ATP7A: variants seen among roughly 807,000 people sequenced by gnomAD.
The protein encoded by ATP7A is copper-transporting ATPase 1.
A neutral mutation model predicts 83.5 loss-of-function variants in ATP7A; 7 were observed. The ratio of observed to expected loss-of-function variants is 0.08; its 90% CI spans 0.05 to 0.16. ATP7A has a LOEUF of 0.16. ATP7A is among the 10% of genes least tolerant of loss of function. The probability of loss-of-function intolerance (pLI) is 1.00; values close to 1 mark genes in which losing one functional copy is unlikely to be tolerated. For missense variants in ATP7A, 940 were observed against 1,120.8 expected, an observed-to-expected ratio of 0.84 and a Z score of 2.30; for synonymous variants, 354 against 395.2, an observed-to-expected ratio of 0.90 and a Z score of 1.24.
chrX:78,038,696 T>C (rs1307705665), intron 17 of ATP7A, 140 bp from the exon 18 acceptor site: 2 of 684,555 alleles, frequency 2.9e-6, no homozygotes, highest in East Asian at 3.3e-5. Context: ...TTAGAAAATT[T>C]GAACATCACT....
chrX:78,016,128 C>T (rs2077861676), intron 12 of ATP7A, among the ~76,000 whole-genome samples: 2 of 111,525 alleles, frequency 1.8e-5, no homozygotes, highest in Non-Finnish European at 3.8e-5. Context: ...TTAATTGACT[C>T]ACAGTTCTGC....
chrX:77,979,529 A>G (rs1557230684), intron 2 of ATP7A, among the ~76,000 whole-genome samples: 2 of 112,288 alleles, frequency 1.8e-5, no homozygotes, highest in African/African-American at 6.5e-5. Context: ...GTTAAAAAAG[A>G]AATGTACACA....
At chrX:77,957,234 TTTA>T (rs1399603036) in intron 1 of ATP7A, among the ~76,000 whole-genome samples, 9 of 111,410 alleles carry the variant, frequency 8.1e-5, no homozygotes, top group Non-Finnish European at 1.5e-4. Context: ...TTTAAAAAAA[TTTA>T]TTATTATCAT....
intron 1 of ATP7A, among the ~76,000 whole-genome samples, chrX:77,931,747 G>C (rs1350082306): frequency 1.8e-3 from 177 of 99,568 alleles, no homozygotes; most frequent in African/African-American, 6.4e-3. Flanking sequence ...CCTCCCGGAC[G>C]GGGCGGCTGG....
intron 1 of ATP7A, among the ~76,000 whole-genome samples, chrX:77,938,369 A>G (rs1557225266): frequency 8.9e-6 from 1 of 112,796 alleles, no homozygotes; most frequent in Non-Finnish European, 1.9e-5. Context: ...TGGAAGGTAA[A>G]TGCTTTCTTT....
chrX:78,020,338 T>G lies in ATP7A; in HGVS notation c.2721T>G (p.Val907=). ...NGSLLICATH[V]GADTTLSQIV... ...CACTGCTTATCTGCGCAACACATGTTGGAGCAGACACAACCCTTTCTCAAA... is the reference window on the plus strand; with the variant it reads ...CACTGCTTATCTGCGCAACACATGTGGGAGCAGACACAACCCTTTCTCAAA... The change falls in exon 13 of 23, where the codon GTT becomes GTG. Residue 907 remains valine, a synonymous_variant. Transcript: ENST00000341514. 1 of 1,211,824 alleles carries G rather than the reference T, an allele frequency of 8.3e-7. No individual in the cohort carries two copies. Among genetic ancestry groups the G allele is most frequent in the South Asian group, 1.8e-5 (1 of 57,001 alleles).
intron 1 of ATP7A, among the ~76,000 whole-genome samples, chrX:77,958,538 C>A (rs1433145192): frequency 9.0e-6 from 1 of 110,918 alleles, no homozygotes; most frequent in Non-Finnish European, 1.9e-5. Context: ...GTGATGCCTC[C>A]AGCCTTGTTC....
intron 2 of ATP7A, among the ~76,000 whole-genome samples, chrX:77,984,482 C>T (rs1557231179): frequency 9.1e-6 from 1 of 110,442 alleles, no homozygotes; most frequent in Non-Finnish European, 1.9e-5. Flanking sequence ...ATTCTCCTGC[C>T]TCAGCCTCCC....
chrX:77,934,781 C>G (rs1267570570), intron 1 of ATP7A, among the ~76,000 whole-genome samples: 1 of 110,084 alleles, frequency 9.1e-6, no homozygotes, highest in Non-Finnish European at 1.9e-5. Flanking sequence ...GATTGTGATA[C>G]AGAGGGACTG....
intron 1 of ATP7A, among the ~76,000 whole-genome samples, chrX:77,922,091 G>A (rs1443654149): frequency 8.2e-5 from 9 of 109,904 alleles, no homozygotes; most frequent in African/African-American, 2.6e-4. Context: ...CACTGTGCTC[G>A]GTCAAAAGTA....
chrX:78,045,809 C>G (rs1557239041), intron 22 of ATP7A, among the ~76,000 whole-genome samples: 1 of 111,176 alleles, frequency 9.0e-6, no homozygotes, highest in Non-Finnish European at 1.9e-5. Flanking sequence ...ATGGTGAAAC[C>G]CTATGTCTAC....
At position 77,938,952 on chromosome X, in the gene ATP7A, G is replaced by A. The variant is rs1019797676; in HGVS notation, c.-22+28117G>A. 2.7e-5 allele frequency among the ~76,000 whole-genome samples: 3 copies of A among 111,682 alleles called. No homozygotes were observed. In the East Asian group the frequency reaches 8.3e-4, roughly 31 times the overall value. ...AGTTGTGTATTCTACTGAATATATG[G>A]AATATTATTTATTTTACCAATTCCC... On this transcript the variant is annotated intron_variant, in intron 1 of 22. Transcript: ENST00000341514.
At chrX:78,045,441 A>G (rs2078077289) in intron 21 of ATP7A, 29 bp from the exon 22 acceptor site, 1 of 1,064,566 alleles carries the variant, frequency 9.4e-7, no homozygotes. Context: ...AGTATTATCT[A>G]CTCTAACTAA....
intron 12 of ATP7A, among the ~76,000 whole-genome samples, chrX:78,019,555 C>T (rs2077891530): frequency 9.0e-6 from 1 of 111,372 alleles, no homozygotes; most frequent in Admixed American, 9.6e-5. Context: ...GCAACCTCTG[C>T]CTCCCAGGCT....
At chrX:77,991,543 AT>A (rs781873790) in intron 4 of ATP7A, among the ~76,000 whole-genome samples, 10 of 111,448 alleles carry the variant, frequency 9.0e-5, no homozygotes, top group Non-Finnish European at 1.7e-4. Flanking sequence ...TTGAGTTCAA[AT>A]TTTTGTATGA....
intron 2 of ATP7A, among the ~76,000 whole-genome samples, chrX:77,978,247 G>A (rs1315683863): frequency 1.8e-5 from 2 of 110,979 alleles, no homozygotes; most frequent in Admixed American, 1.9e-4. Context: ...GATATGTTTA[G>A]TTTGGGGTTA....
At chrX:77,990,059 A>G (rs782084275) in intron 4 of ATP7A, 101 bp downstream of exon 4, 2 of 1,096,022 alleles carry the variant, frequency 1.8e-6, no homozygotes, top group Non-Finnish European at 1.2e-6. Flanking sequence ...AGGCACTGTA[A>G]TTCCACTTTT....
intron 1 of ATP7A, among the ~76,000 whole-genome samples, chrX:77,966,520 A>G (rs782646319): frequency 1.6e-4 from 18 of 112,447 alleles, no homozygotes; most frequent in Non-Finnish European, 3.0e-4. Flanking sequence ...GCTAAGTGAA[A>G]GAATCCAGAC....
chrX:77,947,674 G>A (rs1557226308), intron 1 of ATP7A, among the ~76,000 whole-genome samples: 2 of 108,369 alleles, frequency 1.8e-5, no homozygotes, highest in African/African-American at 6.8e-5. Flanking sequence ...CTGACCTCGT[G>A]ATCTGTCCGC....
Sources: allele counts gnomAD v4.1 joint callset (sites outside exome capture counted in the v4.1 genomes callset), GRCh38; gene constraint gnomAD v4.1.1; transcripts MANE v1.5; gene names NCBI Gene and HGNC (gene_info 2026-07-23, HGNC 2026-07-21).